EPB41L3: variants seen among roughly 807,000 people sequenced by gnomAD.
EPB41L3 encodes the protein erythrocyte membrane protein band 4.1 like 3, also known as band 4.1-like protein 3.
EPB41L3 carries 57 observed loss-of-function variants against 127.1 expected under a neutral mutation model. That is an observed-to-expected ratio of 0.45 (90% CI 0.36 to 0.56). EPB41L3 has a LOEUF of 0.56. EPB41L3 is among the 20% of genes least tolerant of loss of function. EPB41L3 has a pLI of 0.00. For missense variants in EPB41L3, 1,273 were observed against 1,372.2 expected, an observed-to-expected ratio of 0.93 and a Z score of 1.14; for synonymous variants, 572 against 549.5, an observed-to-expected ratio of 1.04 and a Z score of -0.57.
At chr18:5,548,670 A>AAATGGAATAATTTT (rs1478627258), upstream of EPB41L3, among the ~76,000 whole-genome samples, 37 of 113,216 alleles carry the variant, frequency 3.3e-4, no homozygotes, top group South Asian at 1.3e-3. Context: ...CAGTACTTTT[A>AAATGGAATAATTTT]AACGATAAAA....
chr18:5,401,099 G>A (rs774035643), intron 16 of EPB41L3: 25 of 1,075,778 alleles, frequency 2.3e-5, no homozygotes, highest in Non-Finnish European at 3.1e-5. Flanking sequence ...TTTCCAAAAA[G>A]GCAAGTTAGG....
At chr18:5,541,080 G>A (rs1215780078) in intron 1 of EPB41L3, among the ~76,000 whole-genome samples, 2 of 78,076 alleles carry the variant, frequency 2.6e-5, no homozygotes, top group Admixed American at 1.8e-4. Flanking sequence ...GCGAGACTCC[G>A]TCTCAAAAAA....
intron 11 of EPB41L3, among the ~76,000 whole-genome samples, chr18:5,421,565 G>T (rs1171726858): frequency 1.3e-5 from 2 of 152,122 alleles, no homozygotes; most frequent in Non-Finnish European, 2.9e-5. Flanking sequence ...TCCTAGGCTA[G>T]CTCACAAAAG....
At chr18:5,437,984 A>C in intron 6 of EPB41L3, 51 bp downstream of exon 6, 1 of 1,551,764 alleles carries the variant, frequency 6.4e-7, no homozygotes, top group Non-Finnish European at 8.9e-7. Context: ...ATTTAAGAGA[A>C]GCACAACTCT....
intron 1 of EPB41L3, among the ~76,000 whole-genome samples, chr18:5,495,973 C>T (rs2091136395): frequency 6.6e-6 from 1 of 152,194 alleles, no homozygotes. Context: ...AGCCGCCAGC[C>T]CTGTAGCAAG....
chr18:5,478,499 T>C (rs2087709969), intron 2 of EPB41L3, 61 bp from the exon 3 acceptor site: 1 of 1,491,322 alleles, frequency 6.7e-7, no homozygotes, highest in African/African-American at 1.4e-5. Context: ...ATTGCATTGC[T>C]CATGCAATAG....
At chr18:5,501,606 C>T (rs1045321737) in intron 1 of EPB41L3, among the ~76,000 whole-genome samples, 4 of 152,134 alleles carry the variant, frequency 2.6e-5, no homozygotes. Context: ...GACTTTGTTG[C>T]CCCACAATTA....
chr18:5,618,059 C>A (rs1424377442), intron 1 of EPB41L3, among the ~76,000 whole-genome samples: 1 of 152,118 alleles, frequency 6.6e-6, no homozygotes, highest in Non-Finnish European at 1.5e-5. Context: ...TCTGGACTAG[C>A]CTGGAAACCT....
intron 1 of EPB41L3, among the ~76,000 whole-genome samples, chr18:5,531,630 C>T (rs905999223): frequency 6.9e-6 from 1 of 145,660 alleles, no homozygotes; most frequent in Non-Finnish European, 1.5e-5. Context: ...GGCTGAGGCA[C>T]GAGAATCACT....
intron 9 of EPB41L3, among the ~76,000 whole-genome samples, chr18:5,428,054 C>A (rs908531892): frequency 2.0e-5 from 3 of 152,082 alleles, no homozygotes; most frequent in Admixed American, 1.3e-4. Flanking sequence ...CGCACCCGGC[C>A]GAGACTGGAT....
intron 1 of EPB41L3, among the ~76,000 whole-genome samples, chr18:5,506,020 A>C (rs1307261257): frequency 2.1e-5 from 3 of 139,688 alleles, no homozygotes; most frequent in Non-Finnish European, 1.6e-5. Context: ...CTTCACCTCC[A>C]CCCCTCCCTG....
At chr18:5,441,670 C>T (rs548009363) in intron 5 of EPB41L3, among the ~76,000 whole-genome samples, 77 of 152,144 alleles carry the variant, frequency 5.1e-4, no homozygotes, top group Middle Eastern at 3.4e-3. Context: ...TTCACCGTGT[C>T]AGCCAGGATG....
At chr18:5,418,010 A>G (rs376743445) in intron 12 of EPB41L3, among the ~76,000 whole-genome samples, 3 of 152,170 alleles carry the variant, frequency 2.0e-5, no homozygotes, top group Non-Finnish European at 4.4e-5. Context: ...ATACACTTTC[A>G]TTTTGGTTGA....
At chr18:5,399,028 T>C (rs1185661226) in intron 16 of EPB41L3, 2 of 399,240 alleles carry the variant, frequency 5.0e-6, no homozygotes, top group Non-Finnish European at 4.4e-6. Context: ...AGGCCGGGAA[T>C]GATCTTCATG....
chr18:5,577,477 G>A (rs954814839), intron 3 of EPB41L3: 14 of 350,706 alleles, frequency 4.0e-5, no homozygotes, highest in African/African-American at 1.3e-4. Flanking sequence ...GAAAGATCCC[G>A]GAAAGGTAAA....
chr18:5,401,004 A>G, intron 16 of EPB41L3: 1 of 1,534,542 alleles, frequency 6.5e-7, no homozygotes, highest in Non-Finnish European at 8.7e-7. Flanking sequence ...CCTTGCTGCA[A>G]AAATATAACT....
At chr18:5,398,564 C>A in intron 16 of EPB41L3, 1 of 402,534 alleles carries the variant, frequency 2.5e-6, no homozygotes, top group African/African-American at 2.1e-5. Flanking sequence ...GCAAGAGAAA[C>A]GGAAAGGTTT....
rs775349276 is a variant in EPB41L3 at position 5,398,175 on chromosome 18, C to T, written c.2350-32G>A. On this transcript the variant is annotated intron_variant, in intron 16 of 22. Transcript: ENST00000341928. Reference sequence around the variant, plus strand: ...GAACAAAGAGAGGCAGAGTCAAGCACAAAAGAGAGACACAAACTCAGGCAC... The same window carrying T: ...GAACAAAGAGAGGCAGAGTCAAGCATAAAAGAGAGACACAAACTCAGGCAC... 2.0e-5 allele frequency: 32 copies of T among 1,611,428 alleles called. No homozygotes were observed. The South Asian group carries it at 2.4e-4, about 12-fold the overall frequency.
intron 3 of EPB41L3, among the ~76,000 whole-genome samples, chr18:5,574,348 C>A (rs1684771388): frequency 1.3e-5 from 2 of 150,578 alleles, no homozygotes; most frequent in Non-Finnish European, 2.9e-5. Context: ...CTGAGACTAT[C>A]AGCACATGCT....
Sources: gnomAD v4.1 joint callset for allele counts (sites outside exome capture counted in the v4.1 genomes callset) on GRCh38, gnomAD v4.1.1 for gene constraint, MANE v1.5 for transcripts, NCBI Gene and HGNC (gene_info 2026-07-23, HGNC 2026-07-21) for gene names.